TNFAIP2: variants seen among roughly 807,000 people sequenced by gnomAD.
TNFAIP2 encodes the protein tumor necrosis factor alpha-induced protein 2.
In TNFAIP2, 47 loss-of-function variants were observed where a neutral mutation model predicts 63.5. The observed-to-expected ratio is 0.74, with a 90% CI of 0.59 to 0.94. TNFAIP2 has a LOEUF of 0.94. Ranked by LOEUF, TNFAIP2 falls within the 40% of genes least tolerant of loss-of-function variation. The pLI, the probability that TNFAIP2 is intolerant of heterozygous loss-of-function variation, is 0.00. For synonymous variants in TNFAIP2, 405 were observed against 390.2 expected (o/e 1.04, Z -0.45); for missense variants, 787 against 850.2 (o/e 0.93, Z 0.92).
chr14:103,126,792 C>G, intron 2 of TNFAIP2, 100 bp downstream of exon 2: 1 of 1,367,246 alleles, frequency 7.3e-7, no homozygotes, highest in Non-Finnish European at 9.8e-7. Flanking sequence ...GCAAGTGGGG[C>G]TGGAAGGCGC....
chr14:103,127,580 G>A lies in TNFAIP2; in HGVS notation c.811G>A (p.Glu271Lys), dbSNP rs751492522. Reference protein sequence around the residue: ...LAAVAQFELCERDTYMLLLWV... With the variant: ...LAAVAQFELCKRDTYMLLLWV... ...CGCCGTGGCGCAGTTCGAGCTGTGC[G>A]AGCGCGACACCTACATGCTGCTGCT... The change falls in exon 3 of 12, where the codon GAG becomes AAG. Residue 271 changes from glutamate (E) to lysine (K), a missense_variant. Glu to Lys is a moderately conservative substitution (Grantham distance 56). Transcript: ENST00000560869. The surrounding 1 kb of genome is among the most constrained non-coding windows in gnomAD (Gnocchi z 5.1). 20 of 1,561,580 alleles carry A rather than the reference G, an allele frequency of 1.3e-5. No individual in the cohort carries two copies. Among genetic ancestry groups the A allele is most frequent in the Non-Finnish European group, 1.7e-5 (20 of 1,158,220 alleles).
Position 103,137,085 on chromosome 14 carries a change from C to T in TNFAIP2, c.*1725C>T, listed in dbSNP as rs897910947. The stretch of plus-strand genomic sequence containing the variant: ...AATGTGAGCTCGTTTTCCTGCTCGG[C>T]ATGTGCTCCCCCTAAGGCTCTGCTC... On this transcript the variant is annotated 3_prime_UTR_variant, in exon 12 of 12. Transcript: ENST00000560869. 6.6e-6 allele frequency: 1 copy of T among 152,314 alleles called. No homozygotes were observed. Among genetic ancestry groups the T allele is most frequent in the Non-Finnish European group, 1.5e-5 (1 of 68,088 alleles). 9.4% of individuals were successfully genotyped at this position (152,314 alleles called of 1,614,324 possible). A position where few individuals can be genotyped will look rare whatever the true frequency, so the allele number is the denominator to read the frequency against.
In TNFAIP2 at chr14:103,131,708, G is replaced by T; in HGVS notation, c.1368G>T (p.Glu456Asp). 6.2e-7 allele frequency: 1 copy of T among 1,610,954 alleles called. No homozygotes were observed. Residue 456 changes from glutamate to aspartate, a missense_variant, in exon 8 of 12, where the codon GAG becomes GAT. Glu to Asp is a conservative substitution (Grantham distance 45). Coordinates refer to ENST00000560869, the MANE Select transcript of TNFAIP2 (RefSeq NM_006291.4). The surrounding 1 kb of genome is among the most constrained non-coding windows in gnomAD (Gnocchi z 4.0). ...TLSLLLGPLG[E>D]LKSHGFDTLL... is the part of the protein sequence containing the mutation. ...GCCTCCTGCTGGGCCCCCTGGGTGA[G>T]CTCAAGAGCCACGGCTTTGACACCC...
intron 11 of TNFAIP2, among the ~76,000 whole-genome samples, chr14:103,134,756 A>G (rs990260274): frequency 6.6e-6 from 1 of 152,200 alleles, no homozygotes; most frequent in African/African-American, 2.4e-5. Flanking sequence ...CCAGGATGCA[A>G]TGAAGTACAA....
In TNFAIP2 at chr14:103,135,838, A is replaced by G. The variant is rs1459179978; in HGVS notation, c.*478A>G. Reference sequence around the variant, plus strand: ...GGGCCGCCGTGAGCGGGATTCAGCAATGGTGGAATGGAAGACAGAACTGGA... The same window carrying G: ...GGGCCGCCGTGAGCGGGATTCAGCAGTGGTGGAATGGAAGACAGAACTGGA... On this transcript the variant is annotated 3_prime_UTR_variant, in exon 12 of 12. Coordinates refer to ENST00000560869, the MANE Select transcript of TNFAIP2 (RefSeq NM_006291.4). This position sits in a 1 kb window ranked among gnomAD's most constrained non-coding sequence, Gnocchi z 7.6. 1.2e-5 allele frequency: 15 copies of G among 1,291,722 alleles called. No individual in the cohort carries two copies. The highest frequency in any genetic ancestry group is 2.3e-5 in the Admixed American group (1 of 43,620). The allele number at this position is 1,291,722 out of a possible 1,614,324, so 80.0% of individuals were successfully genotyped here.
Position 103,135,554 on chromosome 14 carries a change from C to A in TNFAIP2, c.*194C>A. 7.0e-7 allele frequency: 1 copy of A among 1,436,644 alleles called. No individual in the cohort carries two copies. The allele number at this position is 1,436,644 out of a possible 1,614,324, so 89.0% of individuals were successfully genotyped here. ...ACAGACCTTGGTTTGTTTACATGTC[C>A]GATGGGGGCAGGAGCTCCCATCCTG... On this transcript the variant is annotated 3_prime_UTR_variant, in exon 12 of 12. Transcript: ENST00000560869. This position sits in a 1 kb window ranked among gnomAD's most constrained non-coding sequence, Gnocchi z 7.6.
Position 103,127,007 on chromosome 14 carries a change from G to C in TNFAIP2, c.238G>C (p.Glu80Gln). Residue 80 changes from glutamate to glutamine, a missense_variant and splice_region_variant, in exon 3 of 12, where the codon GAG becomes CAG. Coordinates refer to ENST00000560869, the MANE Select transcript of TNFAIP2 (RefSeq NM_006291.4). The surrounding 1 kb of genome is among the most constrained non-coding windows in gnomAD (Gnocchi z 5.1). ...CTGACGCGGCTTTCCCGGCGCAGTG[G>C]AGGAGCTGAAGGCGGCGCTGGAGCG... Reference protein sequence around the residue: ...QGLDGPPPTVEELKAALERGQ... With the variant: ...QGLDGPPPTVQELKAALERGQ... The C allele has an allele frequency of 8.3e-7, 1 of 1,205,496 alleles. No homozygotes were observed. Among genetic ancestry groups the C allele is most frequent in the South Asian group, 2.6e-5 (1 of 39,162 alleles). 74.7% of individuals were successfully genotyped at this position (1,205,496 alleles called of 1,614,324 possible).
At chr14:103,132,367 T>A (rs911021196) in intron 8 of TNFAIP2, among the ~76,000 whole-genome samples, 66 of 152,300 alleles carry the variant, frequency 4.3e-4, no homozygotes, top group Non-Finnish European at 3.2e-4. Flanking sequence ...ATGGGTGGCC[T>A]GAGTGTGGTG....
intron 9 of TNFAIP2, 103 bp downstream of exon 9, chr14:103,132,975 C>T (rs945929702): frequency 2.1e-5 from 32 of 1,506,242 alleles, no homozygotes; most frequent in Admixed American, 9.8e-5. Flanking sequence ...TGCTCACACG[C>T]GCACATGTGA....
chr14:103,133,085 T>C (rs1272575354), intron 9 of TNFAIP2, among the ~76,000 whole-genome samples: 1 of 151,910 alleles, frequency 6.6e-6, no homozygotes, highest in Non-Finnish European at 1.5e-5. Context: ...CACATGTGAA[T>C]GCACGAGCAT....
chr14:103,126,450 A>G lies in TNFAIP2; in HGVS notation c.-8A>G. ...CAGTCCACATCAGAGGCAGAGTCAG[A>G]GGCCTCCATGTCGGAGGCCTCCTCT... On this transcript the variant is annotated 5_prime_UTR_variant, in exon 2 of 12. Transcript: ENST00000560869. 6.4e-7 allele frequency: 1 copy of G among 1,569,454 alleles called. No individual in the cohort carries two copies. The highest frequency in any genetic ancestry group is 8.6e-7 in the Non-Finnish European group (1 of 1,161,692).
chr14:103,126,668 G>T lies in TNFAIP2; in HGVS notation c.211G>T (p.Gly71Trp), dbSNP rs901886103. The T allele has an allele frequency of 6.4e-7, 1 of 1,557,184 alleles. No individual in the cohort carries two copies. The highest frequency in any genetic ancestry group is 1.2e-5 in the South Asian group (1 of 84,608). ...EPEDAAGSRQ[G>W]LDGPPPTVEE... ...CGAGGACGCAGCCGGGTCCAGGCAG[G>T]GGCTGGATGGCCCGCCCCCCACAGG... Residue 71 changes from glycine (G) to tryptophan (W), a missense_variant, in exon 2 of 12, where the codon GGG (glycine) becomes TGG (tryptophan). Gly to Trp is a radical substitution (Grantham distance 184, BLOSUM62 -2). Transcript: ENST00000560869.
chr14:103,124,163 A>G (rs1460592100), intron 1 of TNFAIP2, among the ~76,000 whole-genome samples: 1 of 152,120 alleles, frequency 6.6e-6, no homozygotes, highest in Non-Finnish European at 1.5e-5. Context: ...AGGACACAGG[A>G]GACTCACCCC....
At position 103,136,693 on chromosome 14, in the gene TNFAIP2, A is replaced by G. The variant is rs944472033; in HGVS notation, c.*1333A>G. On this transcript the variant is annotated 3_prime_UTR_variant, in exon 12 of 12. Transcript: ENST00000560869. ...GCCCAGCTACATATTTTTTGTGGAT[A>G]CAGGGTCTCATTCTGTTGCCTAGGC... 3 of 152,036 alleles carry G rather than the reference A, an allele frequency of 2.0e-5. No homozygotes were observed. The highest frequency in any genetic ancestry group is 6.6e-5 in the Admixed American group (1 of 15,252). 9.4% of individuals were successfully genotyped at this position (152,036 alleles called of 1,614,324 possible). A position where few individuals can be genotyped will look rare whatever the true frequency, so the allele number is the denominator to read the frequency against.
chr14:103,122,389 A>G (rs1891143707), upstream of TNFAIP2, among the ~76,000 whole-genome samples: 4 of 152,188 alleles, frequency 2.6e-5, no homozygotes, highest in Admixed American at 1.3e-4. Flanking sequence ...GGGGCGGGGA[A>G]AGAGGCCAAA....
Position 103,135,947 on chromosome 14 carries a change from C to A in TNFAIP2, c.*587C>A, listed in dbSNP as rs41310340. 2.3e-6 allele frequency: 3 copies of A among 1,289,742 alleles called. No individual in the cohort carries two copies. Among genetic ancestry groups the A allele is most frequent in the Non-Finnish European group, 3.0e-6 (3 of 989,056 alleles). The allele number at this position is 1,289,742 out of a possible 1,614,324, so 79.9% of individuals were successfully genotyped here. On this transcript the variant is annotated 3_prime_UTR_variant, in exon 12 of 12. Transcript: ENST00000560869. The surrounding 1 kb of genome is among the most constrained non-coding windows in gnomAD (Gnocchi z 7.6). ...AGCTGTGAGCACCGCCAGCATTAGA[C>A]GTCACATCCAGGTGGCCCCACGGCC...
At position 103,127,755 on chromosome 14, in the gene TNFAIP2, C is replaced by A; in HGVS notation, c.860+126C>A. On this transcript the variant is annotated intron_variant, in intron 3 of 11. Transcript: ENST00000560869. This position sits in a 1 kb window ranked among gnomAD's most constrained non-coding sequence, Gnocchi z 5.1. ...GGTCGGTGTTTGCAGAGTTTTGGGTCCGAGAATGCAGGGGTGGGACTTGGA... is the reference window on the plus strand; with the variant it reads ...GGTCGGTGTTTGCAGAGTTTTGGGTACGAGAATGCAGGGGTGGGACTTGGA... The A allele has an allele frequency of 8.6e-7, 1 of 1,157,330 alleles. No homozygotes were observed. The highest frequency in any genetic ancestry group is 1.2e-6 in the Non-Finnish European group (1 of 868,416). The allele number at this position is 1,157,330 out of a possible 1,614,324, so 71.7% of individuals were successfully genotyped here.
Position 103,129,758 on chromosome 14 carries a change from C to G in TNFAIP2, c.879C>G (p.Pro293=). The G allele has an allele frequency of 6.2e-7, 1 of 1,613,982 alleles. No homozygotes were observed. ...CCTGCAGTGACATCATCAACAGCCC[C>G]AAGCTGGTGGGTGAGCTGCAGGGTA... ...NLYPNDIINS[P]KLVGELQGMG... The change falls in exon 4 of 12, where the codon CCC becomes CCG. Residue 293 remains proline (P), a synonymous_variant. Transcript: ENST00000560869.
Position 103,136,750 on chromosome 14 carries a change from G to T in TNFAIP2, c.*1390G>T, listed in dbSNP as rs2088102258. 1 of 152,178 alleles carries T rather than the reference G, an allele frequency of 6.6e-6. No homozygotes were observed. The allele number at this position is 152,178 out of a possible 1,614,324, so 9.4% of individuals were successfully genotyped here. A position where few individuals can be genotyped will look rare whatever the true frequency, so the allele number is the denominator to read the frequency against. On this transcript the variant is annotated 3_prime_UTR_variant, in exon 12 of 12. Transcript: ENST00000560869. The stretch of plus-strand genomic sequence containing the variant: ...GGAACTCCTGGGCTCAAGGGATCTT[G>T]TAGCCTTAGCCTCCTAAAGTGCTGG...
Sources: gnomAD v4.1 joint callset for allele counts (sites outside exome capture counted in the v4.1 genomes callset) on GRCh38, gnomAD v4.1.1 for gene constraint, Gnocchi (gnomAD v3.1) non-coding constraint, MANE v1.5 for transcripts, NCBI Gene and HGNC (gene_info 2026-07-23, HGNC 2026-07-21) for gene names.